The following TSPAN33 variants were observed in gnomAD, a reference collection of about 807,000 sequenced individuals.
The protein encoded by TSPAN33 is tetraspanin 33.
TSPAN33 carries 27 observed loss-of-function variants against 34.8 expected under a neutral mutation model. The ratio of observed to expected loss-of-function variants is 0.78; its 90% confidence interval spans 0.57 to 1.07. The LOEUF is 1.07. Among genes scored for constraint, TSPAN33 ranks in the 50% least tolerant of loss-of-function variants. The pLI, the probability that TSPAN33 is intolerant of heterozygous loss-of-function variation, is 0.00. For synonymous variants in TSPAN33, 119 were observed against 124.2 expected, an observed-to-expected ratio of 0.96 and a Z score of 0.28; for missense variants, 272 against 324.9, an observed-to-expected ratio of 0.84 and a Z score of 1.25.
intron 1 of TSPAN33, among the ~76,000 whole-genome samples, chr7:129,146,146 A>C (rs1167005578): frequency 6.6e-6 from 1 of 152,084 alleles, no homozygotes; most frequent in Non-Finnish European, 1.5e-5. Context: ...GCAGGAGGGA[A>C]GAATTGAGTC....
At chr7:129,153,990 A>G (rs1810635599) in intron 1 of TSPAN33, among the ~76,000 whole-genome samples, 2 of 152,040 alleles carry the variant, frequency 1.3e-5, no homozygotes, top group African/African-American at 4.8e-5. Context: ...ATGTACACCA[A>G]CAGAGCACTG....
At chr7:129,161,164 C>G (rs983476339) in intron 1 of TSPAN33, among the ~76,000 whole-genome samples, 2 of 152,220 alleles carry the variant, frequency 1.3e-5, no homozygotes, top group African/African-American at 4.8e-5. Context: ...GCCTTGCACT[C>G]CTGGGCTCAA....
chr7:129,162,551 C>T, intron 3 of TSPAN33, 30 bp downstream of exon 3: 1 of 1,608,376 alleles, frequency 6.2e-7, no homozygotes, highest in Non-Finnish European at 8.5e-7. Flanking sequence ...CTGGAAAGAC[C>T]CTGGCCCTCT....
chr7:129,166,559 T>C, intron 5 of TSPAN33: 1 of 519,050 alleles, frequency 1.9e-6, no homozygotes, highest in East Asian at 3.4e-5. Context: ...CAGTGGTAAG[T>C]TATAACAAGA....
chr7:129,147,680 A>G (rs899436537), intron 1 of TSPAN33, among the ~76,000 whole-genome samples: 6 of 152,328 alleles, frequency 3.9e-5, no homozygotes, highest in Non-Finnish European at 5.9e-5. Flanking sequence ...GGCAGAGTGC[A>G]TGCTCTGGCC....
At chr7:129,146,256 A>G (rs552960111) in intron 1 of TSPAN33, among the ~76,000 whole-genome samples, 17 of 152,216 alleles carry the variant, frequency 1.1e-4, no homozygotes, top group Non-Finnish European at 1.8e-4. Flanking sequence ...CACAAAGCCC[A>G]TAAGTGCTGG....
At position 129,154,866 on chromosome 7, in the gene TSPAN33, A is replaced by G. The variant is rs560731202; in HGVS notation, c.103-6813A>G. ...CAGAGATGGACGTTTCTCAAAAAAC[A>G]AAAAATAGAACTACTAGACAATCCA... On this transcript the variant is annotated intron_variant, in intron 1 of 7. Transcript: ENST00000486685. Among the ~76,000 whole-genome samples, 75 of 152,366 alleles carry G rather than the reference A, an allele frequency of 4.9e-4. No individual in the cohort carries two copies. The South Asian group carries it at 8.9e-3, about 18-fold the overall frequency.
At position 129,162,416 on chromosome 7, in the gene TSPAN33, A is replaced by T; in HGVS notation, c.183A>T (p.Ala61=). Residue 61 remains alanine (A), a synonymous_variant, in exon 3 of 8, where the codon GCA becomes GCT. Coordinates refer to ENST00000486685, the MANE Select transcript of TSPAN33 (RefSeq NM_178562.5). ...CAGAAGCAGCCCTAGCCTGCCTGGC[A>T]GTGGACCCTGCCATCCTGCTGATCG... ...KHAEAALACL[A]VDPAILLIVV... is the part of the protein sequence containing the mutation. The T allele has an allele frequency of 6.2e-7, 1 of 1,613,748 alleles. No homozygotes were observed. Among genetic ancestry groups the T allele is most frequent in the South Asian group, 1.1e-5 (1 of 91,078 alleles).
intron 1 of TSPAN33, among the ~76,000 whole-genome samples, chr7:129,146,766 G>C (rs12670318): frequency 0.058 from 8,811 of 152,230 alleles, 428 homozygotes; most frequent in East Asian, 0.21. Flanking sequence ...AGTGTGCCAG[G>C]CCAGTGACGT....
At position 129,163,586 on chromosome 7, in the gene TSPAN33, A is replaced by G. The variant is rs191072732; in HGVS notation, c.363+679A>G. Among the ~76,000 whole-genome samples, 13 of 152,326 alleles carry G rather than the reference A, an allele frequency of 8.5e-5. No individual in the cohort carries two copies. The East Asian group carries it at 1.9e-3, about 23-fold the overall frequency. ...ACCAGAATGTCTTTCCCAAAAGGCA[A>G]ATGATTGCCAAGGGCAGACTACAAA... On this transcript the variant is annotated intron_variant, in intron 4 of 7. Transcript: ENST00000486685.
intron 1 of TSPAN33, 26 bp from the exon 2 acceptor site, chr7:129,161,653 G>A (rs960249981): frequency 6.2e-7 from 1 of 1,612,894 alleles, no homozygotes; most frequent in African/African-American, 1.3e-5. Context: ...GAATCTCAGG[G>A]TCTGGCTCTT....
At chr7:129,145,160 G>T (rs1233288211) in intron 1 of TSPAN33, 78 bp downstream of exon 1, 15 of 564,570 alleles carry the variant, frequency 2.7e-5, no homozygotes, top group Admixed American at 9.9e-5. Flanking sequence ...TGCCCCACGC[G>T]CGGGAGCCGC....
At chr7:129,162,625 C>T in intron 3 of TSPAN33, 104 bp downstream of exon 3, 1 of 1,549,888 alleles carries the variant, frequency 6.5e-7, no homozygotes, top group East Asian at 2.3e-5. Context: ...ACCCCCAAGC[C>T]TGTGCTGTCC....
rs1793169763 is a variant in TSPAN33 at position 129,167,942 on chromosome 7, A to C, written c.*68A>C. 6.4e-7 allele frequency: 1 copy of C among 1,571,906 alleles called. No individual in the cohort carries two copies. Among genetic ancestry groups the C allele is most frequent in the South Asian group, 1.2e-5 (1 of 85,590 alleles). On this transcript the variant is annotated 3_prime_UTR_variant, in exon 8 of 8. Transcript: ENST00000486685. This position sits in a 1 kb window ranked among gnomAD's most constrained non-coding sequence, Gnocchi z 4.6. Reference sequence around the variant, plus strand: ...CATAAACGAACAGCAGTGGGTGCTGAAAGCAGCACCAAATGGAGATTTGGA... The same window carrying C: ...CATAAACGAACAGCAGTGGGTGCTGCAAGCAGCACCAAATGGAGATTTGGA...
chr7:129,145,790 C>T (rs138941750), intron 1 of TSPAN33, among the ~76,000 whole-genome samples: 3 of 151,694 alleles, frequency 2.0e-5, no homozygotes, highest in Non-Finnish European at 2.9e-5. Context: ...GCTGGGACTC[C>T]GGACACCTGG....
At chr7:129,157,996 C>T (rs1438796978) in intron 1 of TSPAN33, among the ~76,000 whole-genome samples, 1 of 152,244 alleles carries the variant, frequency 6.6e-6, no homozygotes, top group Non-Finnish European at 1.5e-5. Context: ...GGCTAAAATA[C>T]AGCAGCCCCG....
At chr7:129,155,827 TC>T (rs1810658346) in intron 1 of TSPAN33, among the ~76,000 whole-genome samples, 1 of 152,104 alleles carries the variant, frequency 6.6e-6, no homozygotes, top group African/African-American at 2.4e-5. Context: ...GGTCAAGCGA[TC>T]CTCCTCCCAC....
At chr7:129,146,694 G>A (rs544362119) in intron 1 of TSPAN33, among the ~76,000 whole-genome samples, 82 of 152,306 alleles carry the variant, frequency 5.4e-4, no homozygotes, top group African/African-American at 1.9e-3. Context: ...ACCAGTGCTG[G>A]GGGATGTACT....
rs1466855015 is a variant in TSPAN33 at position 129,168,553 on chromosome 7, C to G, written c.*679C>G. The G allele has an allele frequency of 6.5e-6, 1 of 152,934 alleles. No homozygotes were observed. The highest frequency in any genetic ancestry group is 1.5e-5 in the Non-Finnish European group (1 of 68,304). The allele number at this position is 152,934 out of a possible 1,614,324, so 9.5% of individuals were successfully genotyped here. A position where few individuals can be genotyped will look rare whatever the true frequency, so the allele number is the denominator to read the frequency against. On this transcript the variant is annotated 3_prime_UTR_variant, in exon 8 of 8. Transcript: ENST00000486685. ...GGGTACAACAGCAGCCAAATTCTTC[C>G]CCACCTCCCTTACTTCGAAAAAAAG... is the stretch of plus-strand genomic sequence containing the variant.
Sources: allele counts gnomAD v4.1 joint callset (sites outside exome capture counted in the v4.1 genomes callset), GRCh38; gene constraint gnomAD v4.1.1; non-coding constraint Gnocchi (gnomAD v3.1); transcripts MANE v1.5; gene names NCBI Gene and HGNC (gene_info 2026-07-23, HGNC 2026-07-21).